The following SLC6A12 variants were observed in gnomAD, a reference collection of about 807,000 sequenced individuals.
SLC6A12 encodes the protein solute carrier family 6 member 12, also known as sodium- and chloride-dependent betaine transporter.
SLC6A12 carries 50 observed loss-of-function variants against 73.3 expected under a neutral mutation model. That is an observed-to-expected ratio of 0.68 (90% CI 0.54 to 0.86). SLC6A12 has a LOEUF of 0.86. SLC6A12 is among the 40% of genes least tolerant of loss of function. The probability of loss-of-function intolerance (pLI) is 0.00; values close to 1 mark genes in which losing one functional copy is unlikely to be tolerated. For synonymous variants in SLC6A12, 304 were observed against 309.2 expected (o/e 0.98, Z 0.18); for missense variants, 648 against 772.8 (o/e 0.84, Z 1.92).
rs1050404906 is a variant in SLC6A12 at position 190,999 on chromosome 12, C to G, written c.*69G>C. On this transcript the variant is annotated 3_prime_UTR_variant, in exon 16 of 16. Transcript: ENST00000684302. ...GGCAGGAGACAGAGGCAGAGGCTGT[C>G]CGCTGAGAATGGAGGGTGGCCCTGA... is the stretch of plus-strand genomic sequence containing the variant. 1 of 1,215,884 alleles carries G rather than the reference C, an allele frequency of 8.2e-7. No individual in the cohort carries two copies. Among genetic ancestry groups the G allele is most frequent in the Non-Finnish European group, 1.0e-6 (1 of 958,784 alleles). The allele number at this position is 1,215,884 out of a possible 1,614,324, so 75.3% of individuals were successfully genotyped here. A position where few individuals can be genotyped will look rare whatever the true frequency, so the allele number is the denominator to read the frequency against.
chr12:189,587 AC>A (rs1272838976), downstream of SLC6A12, among the ~76,000 whole-genome samples: 1 of 151,400 alleles, frequency 6.6e-6, no homozygotes, highest in African/African-American at 2.4e-5. Context: ...TATACGAATC[AC>A]CCCCCTCATC....
intron 3 of SLC6A12, among the ~76,000 whole-genome samples, chr12:207,056 G>A (rs76163073): frequency 1.2e-3 from 176 of 152,338 alleles, no homozygotes; most frequent in African/African-American, 3.9e-3. Flanking sequence ...CTGGACCTTC[G>A]AGGGGCAGAT....
intron 5 of SLC6A12, 121 bp from the exon 6 acceptor site, chr12:201,970 G>T (rs1940292771): frequency 1.3e-6 from 1 of 749,302 alleles, no homozygotes; most frequent in Non-Finnish European, 2.3e-6. Context: ...GCTTCTTTTG[G>T]AGCCCCCACT....
chr12:188,929 A>T (rs187995058), downstream of SLC6A12, among the ~76,000 whole-genome samples: 1 of 150,292 alleles, frequency 6.7e-6, no homozygotes, highest in East Asian at 2.0e-4. Flanking sequence ...GGAGCGATGG[A>T]GGGAGGAGCT....
chr12:210,447 G>A lies in SLC6A12; in HGVS notation c.-57-404C>T, dbSNP rs1019110184. On this transcript the variant is annotated intron_variant, in intron 2 of 15. Coordinates refer to ENST00000684302, the MANE Select transcript of SLC6A12 (RefSeq NM_001122848.3). The stretch of plus-strand genomic sequence containing the variant: ...AGGTCAGAAGGGATCAAAGCCTGCC[G>A]AGGTAGCAAGGGTCAACGGGCAGGT... The A allele has an allele frequency of 6.8e-6, 7 of 1,026,622 alleles. No homozygotes were observed. In the African/African-American group the frequency reaches 6.8e-5, roughly 10 times the overall value. 63.6% of individuals were successfully genotyped at this position (1,026,622 alleles called of 1,614,324 possible).
At chr12:193,701 T>C (rs577931648) in intron 13 of SLC6A12, among the ~76,000 whole-genome samples, 217 of 152,306 alleles carry the variant, frequency 1.4e-3, no homozygotes, top group Middle Eastern at 6.8e-3. Context: ...GGCTCAATGG[T>C]TAGACAAACG....
intron 7 of SLC6A12, among the ~76,000 whole-genome samples, chr12:200,142 G>GCTCT (rs1277569162): frequency 1.4e-4 from 19 of 138,166 alleles, no homozygotes; most frequent in Non-Finnish European, 2.3e-4. Flanking sequence ...ACGGAGTCTG[G>GCTCT]CTGTCGCCCA....
chr12:187,152 TGTAGC>T (rs1939445686), downstream of SLC6A12, among the ~76,000 whole-genome samples: 1 of 152,202 alleles, frequency 6.6e-6, no homozygotes, highest in East Asian at 1.9e-4. Flanking sequence ...CTGGCCAAAT[TGTAGC>T]TGCCAGATTT....
chr12:197,882 G>T lies in SLC6A12; in HGVS notation c.950+18C>A. The stretch of plus-strand genomic sequence containing the variant: ...CCCCAACCCTCCTTCACCCCACCCC[G>T]GCCCACGCTGTTCTCACTTGTAGCA... On this transcript the variant is annotated intron_variant, in intron 9 of 15. Coordinates refer to ENST00000684302, the MANE Select transcript of SLC6A12 (RefSeq NM_001122848.3). 1.2e-5 allele frequency: 7 copies of T among 608,256 alleles called. No homozygotes were observed. Among genetic ancestry groups the T allele is most frequent in the Non-Finnish European group, 1.8e-5 (7 of 385,264 alleles). The allele number at this position is 608,256 out of a possible 1,614,324, so 37.7% of individuals were successfully genotyped here.
At chr12:196,659 G>C in intron 11 of SLC6A12, 111 bp downstream of exon 11, 1 of 784,692 alleles carries the variant, frequency 1.3e-6, no homozygotes, top group South Asian at 1.5e-5. Context: ...AGCAGAGGGG[G>C]CCTCAGGTGT....
At chr12:204,055 A>G (rs545618079) in intron 4 of SLC6A12, 2 of 154,714 alleles carry the variant, frequency 1.3e-5, no homozygotes, top group African/African-American at 4.8e-5. Context: ...CACCCGCATA[A>G]GCCGTCTGTG....
At chr12:199,021 G>A in intron 7 of SLC6A12, 90 bp from the exon 8 acceptor site, 1 of 1,341,906 alleles carries the variant, frequency 7.5e-7, no homozygotes, top group Non-Finnish European at 1.1e-6. Context: ...GTCACACGGA[G>A]CTCAGTCCCA....
At position 209,347 on chromosome 12, in the gene SLC6A12, C is replaced by T. The variant is rs112500894; in HGVS notation, c.214+426G>A. 6.2e-4 allele frequency among the ~76,000 whole-genome samples: 95 copies of T among 152,292 alleles called. 3 individuals carry two copies. Among genetic ancestry groups the T allele is most frequent in the African/African-American group, 2.2e-3 (90 of 41,558 alleles). Reference sequence around the variant, plus strand: ...GCGGAACCGTTTGTCCGCAACCTGCCGCAGACACAGTACAACTCCTCAGAA... The same window carrying T: ...GCGGAACCGTTTGTCCGCAACCTGCTGCAGACACAGTACAACTCCTCAGAA... On this transcript the variant is annotated intron_variant, in intron 3 of 15. Coordinates refer to ENST00000684302, the MANE Select transcript of SLC6A12 (RefSeq NM_001122848.3).
At chr12:200,404 G>A (rs536952368) in intron 7 of SLC6A12, among the ~76,000 whole-genome samples, 13 of 152,244 alleles carry the variant, frequency 8.5e-5, no homozygotes, top group African/African-American at 2.2e-4. Flanking sequence ...CACTGCACCC[G>A]GCAGCCCTGA....
intron 12 of SLC6A12, among the ~76,000 whole-genome samples, chr12:195,896 A>G (rs528026495): frequency 6.6e-6 from 1 of 152,252 alleles, no homozygotes; most frequent in East Asian, 1.9e-4. Flanking sequence ...AACCTGACCC[A>G]ATACATTCCC....
At chr12:188,982 G>A (rs995286050), downstream of SLC6A12, among the ~76,000 whole-genome samples, 1 of 152,232 alleles carries the variant, frequency 6.6e-6, no homozygotes, top group African/African-American at 2.4e-5. Flanking sequence ...GGGACAGGCT[G>A]TGCGCTAAAG....
downstream of SLC6A12, among the ~76,000 whole-genome samples, chr12:187,589 CAAAAAAAA>C (rs761187495): frequency 2.2e-4 from 23 of 106,008 alleles, no homozygotes; most frequent in Middle Eastern, 4.5e-3. Context: ...TGCAAAAGAG[CAAAAAAAA>C]AAAAAAAAAA....
chr12:190,350 G>C lies in SLC6A12; in HGVS notation c.*718C>G, dbSNP rs1419248681. 1.3e-5 allele frequency: 2 copies of C among 152,296 alleles called. No individual in the cohort carries two copies. The highest frequency in any genetic ancestry group is 2.4e-5 in the African/African-American group (1 of 41,442). The allele number at this position is 152,296 out of a possible 1,614,324, so 9.4% of individuals were successfully genotyped here. Reference sequence around the variant, plus strand: ...GTGGGAAAGAATCTGTGATCAGTTAGCAATATCGGCCTTGGGCAGAGGAAC... The same window carrying C: ...GTGGGAAAGAATCTGTGATCAGTTACCAATATCGGCCTTGGGCAGAGGAAC... On this transcript the variant is annotated 3_prime_UTR_variant, in exon 16 of 16. Transcript: ENST00000684302.
At chr12:212,503 C>T (rs528796790) in intron 1 of SLC6A12, among the ~76,000 whole-genome samples, 22 of 152,156 alleles carry the variant, frequency 1.4e-4, no homozygotes, top group South Asian at 1.2e-3. Flanking sequence ...CCGACACTGA[C>T]GCAACATGAT....
Sources: allele counts gnomAD v4.1 joint callset (sites outside exome capture counted in the v4.1 genomes callset), GRCh38; gene constraint gnomAD v4.1.1; transcripts MANE v1.5; gene names NCBI Gene and HGNC (gene_info 2026-07-23, HGNC 2026-07-21).